The following PRTG variants were observed in gnomAD, a reference collection of about 807,000 sequenced individuals.
The protein encoded by PRTG is protogenin.
Under a neutral mutation model 122.5 loss-of-function variants are expected in PRTG, and 67 were observed. The ratio of observed to expected loss-of-function variants is 0.55; its 90% CI spans 0.45 to 0.67. The LOEUF (loss-of-function observed/expected upper bound fraction) is 0.67, where lower values mean the gene tolerates loss of function less well. Ranked by LOEUF, PRTG falls within the 30% of genes least tolerant of loss-of-function variation. The pLI is 0.00. For missense variants in PRTG, 1,435 were observed against 1,415.4 expected, an observed-to-expected ratio of 1.01 and a Z score of -0.22; for synonymous variants, 554 against 501.1, an observed-to-expected ratio of 1.11 and a Z score of -1.41.
rs2031580437 is a variant in PRTG at position 55,740,644 on chromosome 15, T to C, written c.135A>G (p.Pro45=). The C allele has an allele frequency of 6.2e-7, 1 of 1,613,946 alleles. No individual in the cohort carries two copies. Residue 45 remains proline, a synonymous_variant, in exon 2 of 20, where the codon CCA becomes CCG. Transcript: ENST00000389286. ...CFSELSFVKE[P]QDVTVTRKDP... is the part of the protein sequence containing the mutation. ...CCTTTCTTGTGACAGTTACATCCTG[T>C]GGTTCTTTTACAAAAGACAGTTCGC...
At chr15:55,683,317 T>A (rs768921882) in intron 3 of PRTG, among the ~76,000 whole-genome samples, 3 of 152,102 alleles carry the variant, frequency 2.0e-5, no homozygotes, top group Non-Finnish European at 4.4e-5. Context: ...AAGTTCTTGA[T>A]TTTTCAATCC....
At position 55,613,292 on chromosome 15, in the gene PRTG, A is replaced by C. The variant is rs953085723; in HGVS notation, c.*6720T>G. The C allele has an allele frequency of 1.3e-5, 2 of 152,074 alleles. No individual in the cohort carries two copies. Among genetic ancestry groups the C allele is most frequent in the Admixed American group, 1.3e-4 (2 of 15,254 alleles). The allele number at this position is 152,074 out of a possible 1,614,324, so 9.4% of individuals were successfully genotyped here. ...AGTTTATATTCATAAAAAATCATGAACTCTTCAGACCTAACAAGAAAGGAT... is the reference window on the plus strand; with the variant it reads ...AGTTTATATTCATAAAAAATCATGACCTCTTCAGACCTAACAAGAAAGGAT... On this transcript the variant is annotated 3_prime_UTR_variant, in exon 20 of 20. Coordinates refer to ENST00000389286, the MANE Select transcript of PRTG (RefSeq NM_173814.6).
At chr15:55,661,571 T>G (rs983587008) in intron 11 of PRTG, among the ~76,000 whole-genome samples, 2 of 152,186 alleles carry the variant, frequency 1.3e-5, no homozygotes, top group South Asian at 4.1e-4. Context: ...TAGACAATTT[T>G]CTTTACTCTT....
chr15:55,649,033 G>T (rs1223769380), intron 11 of PRTG, among the ~76,000 whole-genome samples: 1 of 150,758 alleles, frequency 6.6e-6, no homozygotes, highest in Non-Finnish European at 1.5e-5. Context: ...GGAGGCGGAG[G>T]TTGCAGAGAC....
In PRTG at chr15:55,680,092, C is replaced by T. The variant is rs1283248638; in HGVS notation, c.935G>A (p.Arg312His). 16 of 1,613,552 alleles carry T rather than the reference C, an allele frequency of 9.9e-6. No homozygotes were observed. The highest frequency in any genetic ancestry group is 6.6e-5 in the South Asian group (6 of 91,040). ...YVCRATTPGTRNFTVAMATLT... is the reference protein window; with the variant it reads ...YVCRATTPGTHNFTVAMATLT... Reference sequence around the variant, plus strand: ...AGTTGCCATAGCAACTGTAAAGTTGCGTGTGCCAGGGGTAGTGGCCCGACA... The same window carrying T: ...AGTTGCCATAGCAACTGTAAAGTTGTGTGTGCCAGGGGTAGTGGCCCGACA... Residue 312 changes from arginine (R) to histidine (H), a missense_variant, in exon 6 of 20, where the codon CGC (arginine) becomes CAC (histidine). Transcript: ENST00000389286.
chr15:55,702,803 A>AACAC, intron 2 of PRTG: 2 of 447,908 alleles, frequency 4.5e-6, no homozygotes, highest in Non-Finnish European at 5.9e-6. Flanking sequence ...CACATGTGCA[A>AACAC]ACACACACAC....
At chr15:55,647,475 T>C (rs1324098729) in intron 11 of PRTG, among the ~76,000 whole-genome samples, 1 of 152,232 alleles carries the variant, frequency 6.6e-6, no homozygotes, top group Non-Finnish European at 1.5e-5. Context: ...TCTGTAGGTA[T>C]TATTTACCCC....
At position 55,640,942 on chromosome 15, in the gene PRTG, C is replaced by T. The variant is rs984349524; in HGVS notation, c.2137+171G>A. On this transcript the variant is annotated intron_variant, in intron 12 of 19. Transcript: ENST00000389286. Reference sequence around the variant, plus strand: ...CTGAGGCAGGAGAATCGCTTGAACCCGGGAGGCAACAAACAAACAAACAAA... The same window carrying T: ...CTGAGGCAGGAGAATCGCTTGAACCTGGGAGGCAACAAACAAACAAACAAA... 2.6e-5 allele frequency among the ~76,000 whole-genome samples: 4 copies of T among 151,926 alleles called. 1 individual carries two copies. Among genetic ancestry groups the T allele is most frequent in the Middle Eastern group, 6.8e-3 (2 of 294 alleles).
chr15:55,620,129 T>C lies in PRTG; in HGVS notation c.3336A>G (p.Glu1112=), dbSNP rs367705382. Residue 1112 remains glutamate (E), a synonymous_variant, in exon 20 of 20, where the codon GAA becomes GAG. Transcript: ENST00000389286. ...GGCTGCCTTCACTATTTGCTGAATGTTCTGTATCAGCTGCAACACCAAAGG... is the reference window on the plus strand; with the variant it reads ...GGCTGCCTTCACTATTTGCTGAATGCTCTGTATCAGCTGCAACACCAAAGG... ...SRPFGVAADT[E]HSANSEGSHE... is the part of the protein sequence containing the mutation. The C allele has an allele frequency of 1.4e-4, 220 of 1,614,178 alleles. 1 individual carries two copies. The African/African-American group carries it at 2.7e-3, about 20-fold the overall frequency.
chr15:55,673,225 G>A, intron 10 of PRTG, 146 bp downstream of exon 10: 1 of 674,546 alleles, frequency 1.5e-6, no homozygotes, highest in South Asian at 2.3e-5. Context: ...TTAATAAAAA[G>A]TTTAATTTTT....
chr15:55,649,467 C>T (rs1028449965), intron 11 of PRTG, among the ~76,000 whole-genome samples: 21 of 151,998 alleles, frequency 1.4e-4, no homozygotes, highest in African/African-American at 4.8e-4. Context: ...ACAACAACAA[C>T]AACAATAGTA....
At chr15:55,707,954 C>T (rs1267073140) in intron 2 of PRTG, among the ~76,000 whole-genome samples, 1 of 152,048 alleles carries the variant, frequency 6.6e-6, no homozygotes, top group Admixed American at 6.6e-5. Flanking sequence ...AGGAAATGAT[C>T]ACCAGTGGGA....
rs563846776 is a variant in PRTG at position 55,707,697 on chromosome 15, G to A, written c.398-23766C>T. On this transcript the variant is annotated intron_variant, in intron 2 of 19. Transcript: ENST00000389286. ...GCTCATATTTCATCGGCTGTCAAGC[G>A]TCACATTCATTCAAGCACAGAGAGG... Among the ~76,000 whole-genome samples, 9 of 152,306 alleles carry A rather than the reference G, an allele frequency of 5.9e-5. No homozygotes were observed. In the East Asian group the frequency reaches 1.4e-3, roughly 23 times the overall value.
chr15:55,712,543 G>A (rs2030427937), intron 2 of PRTG, among the ~76,000 whole-genome samples: 1 of 152,124 alleles, frequency 6.6e-6, no homozygotes, highest in African/African-American at 2.4e-5. Flanking sequence ...AAATAATGGT[G>A]CATGATCTGG....
chr15:55,682,067 G>T (rs2059541580), intron 4 of PRTG, among the ~76,000 whole-genome samples: 1 of 152,050 alleles, frequency 6.6e-6, no homozygotes, highest in Non-Finnish European at 1.5e-5. Context: ...AAAATAACAT[G>T]CCATTTTCTA....
In PRTG at chr15:55,620,146, C is replaced by T. The variant is rs760855907; in HGVS notation, c.3319G>A (p.Val1107Ile). Reference sequence around the variant, plus strand: ...GCTGAATGTTCTGTATCAGCTGCAACACCAAAGGGTCTTGAGAAGCTGGTT... The same window carrying T: ...GCTGAATGTTCTGTATCAGCTGCAATACCAAAGGGTCTTGAGAAGCTGGTT... ...QTTSFSRPFGVAADTEHSANS... is the reference protein window; with the variant it reads ...QTTSFSRPFGIAADTEHSANS... Residue 1107 changes from valine (V) to isoleucine (I), a missense_variant, in exon 20 of 20, where the codon GTT (valine) becomes ATT (isoleucine). Coordinates refer to ENST00000389286, the MANE Select transcript of PRTG (RefSeq NM_173814.6). The T allele has an allele frequency of 4.3e-6, 7 of 1,614,204 alleles. No homozygotes were observed. The highest frequency in any genetic ancestry group is 1.3e-5 in the African/African-American group (1 of 75,048).
Position 55,613,571 on chromosome 15 carries a change from T to C in PRTG, c.*6441A>G, listed in dbSNP as rs1006058229. The C allele has an allele frequency of 6.6e-6, 1 of 152,058 alleles. No individual in the cohort carries two copies. The highest frequency in any genetic ancestry group is 2.4e-5 in the African/African-American group (1 of 41,434). 9.4% of individuals were successfully genotyped at this position (152,058 alleles called of 1,614,324 possible). On this transcript the variant is annotated 3_prime_UTR_variant, in exon 20 of 20. Coordinates refer to ENST00000389286, the MANE Select transcript of PRTG (RefSeq NM_173814.6). Reference sequence around the variant, plus strand: ...AGAGAAATTAGGAGATGATAAGGGATGAGTTACAGCCGCCTTAATCCCTCC... The same window carrying C: ...AGAGAAATTAGGAGATGATAAGGGACGAGTTACAGCCGCCTTAATCCCTCC...
intron 9 of PRTG, among the ~76,000 whole-genome samples, chr15:55,674,878 T>C (rs1373820187): frequency 3.9e-5 from 6 of 152,092 alleles, no homozygotes; most frequent in African/African-American, 1.4e-4. Context: ...ACAGATCCCT[T>C]CTTTTACAAT....
rs946765168 is a variant in PRTG at position 55,688,529 on chromosome 15, G to A, written c.398-4598C>T. 2.0e-5 allele frequency among the ~76,000 whole-genome samples: 3 copies of A among 152,044 alleles called. No individual in the cohort carries two copies. The South Asian group carries it at 6.2e-4, about 32-fold the overall frequency. ...CTCCAACTGTGCACTGGACATCTTCGCCTGGAGTTTATGAAAGGCACTCCA... is the reference window on the plus strand; with the variant it reads ...CTCCAACTGTGCACTGGACATCTTCACCTGGAGTTTATGAAAGGCACTCCA... On this transcript the variant is annotated intron_variant, in intron 2 of 19. Transcript: ENST00000389286.
Sources: allele counts gnomAD v4.1 joint callset (sites outside exome capture counted in the v4.1 genomes callset), GRCh38; gene constraint gnomAD v4.1.1; transcripts MANE v1.5; gene names NCBI Gene and HGNC (gene_info 2026-07-23, HGNC 2026-07-21).